Variants in SORCS3 observed in about 807,000 individuals in gnomAD.
The protein encoded by SORCS3 is VPS10 domain-containing receptor SorCS3.
In SORCS3, 57 loss-of-function variants were observed where a neutral mutation model predicts 146.3. The observed-to-expected ratio is 0.39, with a 90% CI of 0.31 to 0.49. SORCS3 has a LOEUF of 0.49. Among genes scored for constraint, SORCS3 ranks in the 20% least tolerant of loss-of-function variants. The pLI is 0.92. For missense variants in SORCS3, 1,341 were observed against 1,575.5 expected (o/e 0.85, Z 2.52); for synonymous variants, 653 against 618.5 (o/e 1.06, Z -0.83).
chr10:104,662,451 TG>T (rs1456652555), intron 1 of SORCS3, among the ~76,000 whole-genome samples: 1 of 152,194 alleles, frequency 6.6e-6, no homozygotes, highest in African/African-American at 2.4e-5. Flanking sequence ...GCTCAATACC[TG>T]ACCCATGTCA....
At chr10:104,730,994 T>C (rs1406430469) in intron 1 of SORCS3, among the ~76,000 whole-genome samples, 1 of 152,222 alleles carries the variant, frequency 6.6e-6, no homozygotes, top group Non-Finnish European at 1.5e-5. Context: ...GATCACCCTA[T>C]GGTCTGGGGC....
intron 3 of SORCS3, among the ~76,000 whole-genome samples, chr10:104,953,629 A>G (rs759743345): frequency 2.3e-4 from 35 of 152,280 alleles, no homozygotes; most frequent in Admixed American, 1.0e-3. Flanking sequence ...AGGGGACTGC[A>G]TTTGTTACAT....
intron 2 of SORCS3, among the ~76,000 whole-genome samples, chr10:104,904,391 A>T (rs2018882023): frequency 6.6e-6 from 1 of 152,208 alleles, no homozygotes; most frequent in Non-Finnish European, 1.5e-5. Context: ...AGCTTTAATG[A>T]TAATTTTTAT....
intron 14 of SORCS3, among the ~76,000 whole-genome samples, chr10:105,182,230 C>CTTTTTTTGTTTTTTTTTTTT (rs2056446828): frequency 1.4e-5 from 1 of 70,486 alleles, no homozygotes; most frequent in Non-Finnish European, 2.7e-5. Flanking sequence ...TATTCAGCAT[C>CTTTTTTTGTTTTTTTTTTTT]TTTTTTTTTT....
chr10:105,051,206 A>G (rs1209911403), intron 5 of SORCS3, among the ~76,000 whole-genome samples: 1 of 152,176 alleles, frequency 6.6e-6, no homozygotes, highest in African/African-American at 2.4e-5. Context: ...CATTTAGAGA[A>G]GTGTTAATTT....
At chr10:104,675,323 A>G (rs1401621620) in intron 1 of SORCS3, among the ~76,000 whole-genome samples, 1 of 152,144 alleles carries the variant, frequency 6.6e-6, no homozygotes, top group Non-Finnish European at 1.5e-5. Context: ...TTAGATTTGT[A>G]AGTTCCTTAT....
At chr10:104,739,853 C>T (rs1565415) in intron 1 of SORCS3, among the ~76,000 whole-genome samples, 67,617 of 151,974 alleles carry the variant, frequency 0.44, 15,260 homozygotes, top group South Asian at 0.53. Flanking sequence ...AAGGAATTCA[C>T]CCACCTTTGT....
intron 3 of SORCS3, among the ~76,000 whole-genome samples, chr10:104,968,954 C>T (rs2054842660): frequency 6.6e-6 from 1 of 152,222 alleles, no homozygotes; most frequent in Non-Finnish European, 1.5e-5. Context: ...CTTGGCTTGT[C>T]TGCTTCACTT....
intron 1 of SORCS3, among the ~76,000 whole-genome samples, chr10:104,710,997 A>C (rs1344348983): frequency 6.6e-6 from 1 of 152,128 alleles, no homozygotes; most frequent in African/African-American, 2.4e-5. Context: ...AATATTTATC[A>C]ATTTCTTATT....
intron 2 of SORCS3, among the ~76,000 whole-genome samples, chr10:104,882,666 T>G (rs1412842347): frequency 1.3e-5 from 2 of 152,102 alleles, no homozygotes; most frequent in Non-Finnish European, 2.9e-5. Flanking sequence ...AGATGGCCAC[T>G]CCTATACCCA....
At chr10:105,101,373 C>A (rs950700212) in intron 6 of SORCS3, among the ~76,000 whole-genome samples, 1 of 152,168 alleles carries the variant, frequency 6.6e-6, no homozygotes, top group Non-Finnish European at 1.5e-5. Flanking sequence ...TTTCCCCATG[C>A]CCCTACTTCG....
chr10:105,091,517 C>T (rs1260135876), intron 6 of SORCS3, among the ~76,000 whole-genome samples: 1 of 109,692 alleles, frequency 9.1e-6, no homozygotes, highest in South Asian at 3.5e-4. Context: ...TTCCTTCCTT[C>T]GTTCCTTCCT....
At chr10:104,714,817 A>G (rs2016457905) in intron 1 of SORCS3, among the ~76,000 whole-genome samples, 1 of 152,212 alleles carries the variant, frequency 6.6e-6, no homozygotes, top group Non-Finnish European at 1.5e-5. Flanking sequence ...CTGAGCCCAT[A>G]CAATGCTGCC....
chr10:104,775,605 C>T (rs1041975249), intron 1 of SORCS3, among the ~76,000 whole-genome samples: 3 of 152,170 alleles, frequency 2.0e-5, no homozygotes, highest in Non-Finnish European at 1.5e-5. Flanking sequence ...CAGAAAAATA[C>T]AGTGCAGCTG....
rs1046353430 is a variant in SORCS3 at position 104,774,594 on chromosome 10, A to C, written c.628-68198A>C. On this transcript the variant is annotated intron_variant, in intron 1 of 26. Coordinates refer to ENST00000369701, the MANE Select transcript of SORCS3 (RefSeq NM_014978.3). The stretch of plus-strand genomic sequence containing the variant: ...CTGTCTGTGGCCATGACTCCCAATT[A>C]CCTGACAAGAAAGATAGATTTGACC... 1.1e-4 allele frequency among the ~76,000 whole-genome samples: 16 copies of C among 152,306 alleles called. No individual in the cohort carries two copies. The East Asian group carries it at 2.3e-3, about 22-fold the overall frequency.
chr10:105,250,652 G>T (rs1467345291), intron 22 of SORCS3, among the ~76,000 whole-genome samples: 1 of 152,118 alleles, frequency 6.6e-6, no homozygotes, highest in Non-Finnish European at 1.5e-5. Flanking sequence ...TCTGCATTTT[G>T]CCCCTAGTCT....
chr10:104,861,124 C>T (rs2018396338), intron 2 of SORCS3, among the ~76,000 whole-genome samples: 1 of 152,162 alleles, frequency 6.6e-6, no homozygotes, highest in South Asian at 2.1e-4. Context: ...CAGGTCTCAA[C>T]TCCCCCTCAG....
rs1035766263 is a variant in SORCS3, at chr10:105,263,498, A to G, written c.*124A>G. On this transcript the variant is annotated 3_prime_UTR_variant, in exon 27 of 27. Transcript: ENST00000369701. Reference sequence around the variant, plus strand: ...TTGTTTACCAAGGGCCCCTTCATAAATAGCAGGCAAATGCCTAGCTTTGGG... The same window carrying G: ...TTGTTTACCAAGGGCCCCTTCATAAGTAGCAGGCAAATGCCTAGCTTTGGG... 4.5e-6 allele frequency: 4 copies of G among 879,242 alleles called. No homozygotes were observed. The highest frequency in any genetic ancestry group is 2.3e-5 in the Admixed American group (1 of 43,560). 54.5% of individuals were successfully genotyped at this position (879,242 alleles called of 1,614,324 possible).
At chr10:104,642,230 G>T (rs1236952067) in intron 1 of SORCS3, among the ~76,000 whole-genome samples, 1 of 152,286 alleles carries the variant, frequency 6.6e-6, no homozygotes, top group East Asian at 1.9e-4. Flanking sequence ...GTGGGGGAGG[G>T]ATCTGTGCTC....
Sources: gnomAD v4.1 joint callset for allele counts (sites outside exome capture counted in the v4.1 genomes callset) on GRCh38, gnomAD v4.1.1 for gene constraint, MANE v1.5 for transcripts, NCBI Gene and HGNC (gene_info 2026-07-23, HGNC 2026-07-21) for gene names.